The following GLP1R variants were observed in gnomAD, a reference collection of about 807,000 sequenced individuals.
The protein encoded by GLP1R is glucagon-like peptide 1 receptor.
A neutral mutation model predicts 68.4 loss-of-function variants in GLP1R; 32 were observed. The ratio of observed to expected loss-of-function variants is 0.47; its 90% CI spans 0.35 to 0.63. The LOEUF is 0.63. Ranked by LOEUF, GLP1R falls within the 20% of genes least tolerant of loss-of-function variation. GLP1R has a pLI of 0.00. For synonymous variants in GLP1R, 263 were observed against 244.4 expected (o/e 1.08, Z -0.71); for missense variants, 502 against 594.9 (o/e 0.84, Z 1.62).
At chr6:39,068,088 AT>A (rs550910209) in intron 5 of GLP1R, among the ~76,000 whole-genome samples, 144 of 152,306 alleles carry the variant, frequency 9.5e-4, no homozygotes, top group Non-Finnish European at 1.6e-3. Context: ...ACAATTGTTT[AT>A]TTTTTTATCT....
At chr6:39,052,556 C>T (rs572587814) in intron 1 of GLP1R, among the ~76,000 whole-genome samples, 2 of 152,324 alleles carry the variant, frequency 1.3e-5, no homozygotes, top group East Asian at 3.9e-4. Context: ...TACACTTATT[C>T]GCACTGAGAA....
intron 12 of GLP1R, among the ~76,000 whole-genome samples, chr6:39,084,193 C>A (rs572122088): frequency 1.4e-4 from 22 of 152,194 alleles, no homozygotes; most frequent in Non-Finnish European, 2.4e-4. Context: ...AAACACTCTG[C>A]ACCTCAGTTT....
intron 3 of GLP1R, among the ~76,000 whole-genome samples, chr6:39,061,341 C>T (rs1042018228): frequency 1.3e-5 from 2 of 152,232 alleles, no homozygotes; most frequent in Non-Finnish European, 2.9e-5. Flanking sequence ...CGTTTACCCA[C>T]AAACAGCTGA....
At chr6:39,064,725 G>T (rs572408655) in intron 3 of GLP1R, among the ~76,000 whole-genome samples, 1 of 152,350 alleles carries the variant, frequency 6.6e-6, no homozygotes, top group East Asian at 1.9e-4. Flanking sequence ...ATGGGGCATG[G>T]TGGGGGACAG....
chr6:39,086,091 T>A lies in GLP1R; in HGVS notation c.*18T>A. On this transcript the variant is annotated 3_prime_UTR_variant, in exon 13 of 13. Transcript: ENST00000373256. The surrounding 1 kb of genome is among the most constrained non-coding windows in gnomAD (Gnocchi z 4.5). ...GCAGCTGAGACTCCAGCGCCTGCCC[T>A]CCCTGGGGTCCTTGCTGCAGGCCGG... 3 of 1,610,080 alleles carry A rather than the reference T, an allele frequency of 1.9e-6. No individual in the cohort carries two copies. Among genetic ancestry groups the A allele is most frequent in the Non-Finnish European group, 2.5e-6 (3 of 1,177,880 alleles).
In GLP1R at chr6:39,070,972, A is replaced by G. The variant is rs926619290; in HGVS notation, c.510-1890A>G. On this transcript the variant is annotated intron_variant, in intron 5 of 12. Transcript: ENST00000373256. The stretch of plus-strand genomic sequence containing the variant: ...TAAAATTTATCAATAAAGATTAAGC[A>G]GTTGATAACAGTTAATTTTATTGAT... Among the ~76,000 whole-genome samples the G allele has an allele frequency of 3.3e-5, 4 of 119,430 alleles. No homozygotes were observed. In the South Asian group the frequency reaches 8.4e-4, roughly 25 times the overall value. The allele number at this position is 119,430 out of a possible 152,430, so 78.4% of individuals were successfully genotyped here.
intron 1 of GLP1R, among the ~76,000 whole-genome samples, chr6:39,052,557 G>A (rs1350649057): frequency 2.0e-5 from 3 of 152,262 alleles, no homozygotes; most frequent in African/African-American, 4.8e-5. Flanking sequence ...ACACTTATTC[G>A]CACTGAGAAA....
rs13220169 is a variant in GLP1R at position 39,051,902 on chromosome 6, G to A, written c.78+2984G>A. 2.2e-3 allele frequency among the ~76,000 whole-genome samples: 336 copies of A among 149,510 alleles called. 4 individuals are homozygous for A. The highest frequency in any genetic ancestry group is 7.9e-3 in the African/African-American group (320 of 40,410). On this transcript the variant is annotated intron_variant, in intron 1 of 12. Coordinates refer to ENST00000373256, the MANE Select transcript of GLP1R (RefSeq NM_002062.5). Reference sequence around the variant, plus strand: ...GGGTCTGTGTGTGTGTGTGGGGGGGGGGGCATCTTGGTGTGTGAATGGGTG... The same window carrying A: ...GGGTCTGTGTGTGTGTGTGGGGGGGAGGGCATCTTGGTGTGTGAATGGGTG...
intron 3 of GLP1R, 149 bp downstream of exon 3, chr6:39,057,728 A>C (rs1212507049): frequency 2.0e-6 from 1 of 500,496 alleles, no homozygotes; most frequent in Non-Finnish European, 3.7e-6. Flanking sequence ...CCCCTCCCTG[A>C]CCTGGTACCT....
intron 12 of GLP1R, among the ~76,000 whole-genome samples, chr6:39,083,776 G>A (rs1769075556): frequency 6.6e-6 from 1 of 152,170 alleles, no homozygotes; most frequent in African/African-American, 2.4e-5. Flanking sequence ...TCGAGGGCAG[G>A]GATGAGGATA....
At chr6:39,050,574 G>C (rs1768064370) in intron 1 of GLP1R, among the ~76,000 whole-genome samples, 1 of 152,116 alleles carries the variant, frequency 6.6e-6, no homozygotes, top group African/African-American at 2.4e-5. Context: ...GGATAGGAGG[G>C]GACAGGTCCT....
At chr6:39,085,188 C>A (rs149138332) in intron 12 of GLP1R, among the ~76,000 whole-genome samples, 6 of 152,172 alleles carry the variant, frequency 3.9e-5, no homozygotes, top group Non-Finnish European at 8.8e-5. Flanking sequence ...TCTGCCCCAA[C>A]AATCTGGCCC....
At chr6:39,083,389 C>T (rs1167032997) in intron 12 of GLP1R, among the ~76,000 whole-genome samples, 1 of 152,224 alleles carries the variant, frequency 6.6e-6, no homozygotes, top group African/African-American at 2.4e-5. Context: ...TTCTGCAGAC[C>T]CAGGGTTGCC....
chr6:39,067,512 G>A (rs932422160), intron 5 of GLP1R, among the ~76,000 whole-genome samples: 1 of 152,112 alleles, frequency 6.6e-6, no homozygotes, highest in Non-Finnish European at 1.5e-5. Flanking sequence ...ACACCCTCAG[G>A]TCTCTTATAA....
At chr6:39,078,274 C>T in intron 7 of GLP1R, 48 bp from the exon 8 acceptor site, 1 of 1,387,750 alleles carries the variant, frequency 7.2e-7, no homozygotes, top group Non-Finnish European at 1.0e-6. Flanking sequence ...TAGACTGTGG[C>T]TCTGGCCTGC....
intron 5 of GLP1R, among the ~76,000 whole-genome samples, chr6:39,071,345 C>CAAAAAAAAAAAA (rs35740935): frequency 1.4e-4 from 12 of 85,910 alleles, no homozygotes; most frequent in African/African-American, 1.4e-4. Flanking sequence ...GATTCCATCT[C>CAAAAAAAAAAAA]AAAAAAAAAA....
intron 3 of GLP1R, among the ~76,000 whole-genome samples, chr6:39,064,779 C>T (rs1042775250): frequency 3.9e-5 from 6 of 152,226 alleles, no homozygotes; most frequent in African/African-American, 1.4e-4. Flanking sequence ...CCCCGCCTTG[C>T]CTCTGCAGGG....
intron 5 of GLP1R, among the ~76,000 whole-genome samples, chr6:39,071,345 CAAAAAAAA>C (rs35740935): frequency 0.012 from 1,046 of 85,936 alleles, 17 homozygotes; most frequent in African/African-American, 0.045. Flanking sequence ...GATTCCATCT[CAAAAAAAA>C]AAAAAAAAAA....
intron 5 of GLP1R, 35 bp downstream of exon 5, chr6:39,066,338 C>A (rs1314978058): frequency 1.8e-6 from 2 of 1,108,420 alleles, no homozygotes; most frequent in Non-Finnish European, 2.8e-6. Context: ...GGGGCTGCTT[C>A]ATCCTAACTC....
Sources: allele counts gnomAD v4.1 joint callset (sites outside exome capture counted in the v4.1 genomes callset), GRCh38; gene constraint gnomAD v4.1.1; non-coding constraint Gnocchi (gnomAD v3.1); transcripts MANE v1.5; gene names NCBI Gene and HGNC (gene_info 2026-07-23, HGNC 2026-07-21).